The following ICE1 variants were observed in gnomAD, a reference collection of about 807,000 sequenced individuals.
The protein encoded by ICE1 is little elongation complex subunit 1.
ICE1 carries 64 observed loss-of-function variants against 192.7 expected under a neutral mutation model. The ratio of observed to expected loss-of-function variants is 0.33; its 90% CI spans 0.27 to 0.41. The LOEUF (loss-of-function observed/expected upper bound fraction) is 0.41, where lower values mean the gene tolerates loss of function less well. Among genes scored for constraint, ICE1 ranks in the 10% least tolerant of loss-of-function variants. The pLI is 1.00. For synonymous variants in ICE1, 1,010 were observed against 984.5 expected, an observed-to-expected ratio of 1.03 and a Z score of -0.49; for missense variants, 2,708 against 2,696.0, an observed-to-expected ratio of 1.00 and a Z score of -0.10.
chr5:5,467,189 C>T (rs1335506337), intron 14 of ICE1, among the ~76,000 whole-genome samples: 1 of 152,104 alleles, frequency 6.6e-6, no homozygotes, highest in African/African-American at 2.4e-5. Flanking sequence ...TTCATTTGCC[C>T]ACTTCATTTC....
chr5:5,464,422 TTCTCCA>T lies in ICE1; in HGVS notation c.5098_5103del (p.Pro1700_Ser1701del). 6.2e-7 allele frequency: 1 copy of T among 1,613,924 alleles called. No individual in the cohort carries two copies. Among genetic ancestry groups the T allele is most frequent in the African/African-American group, 1.3e-5 (1 of 75,034 alleles). On this transcript the variant is annotated inframe_deletion, in exon 13 of 19. Coordinates refer to ENST00000296564, the MANE Select transcript of ICE1 (RefSeq NM_015325.3). This position sits in a 1 kb window ranked among gnomAD's most constrained non-coding sequence, Gnocchi z 4.0. ...CCAGACGTGCCTCTCCTCCAGATCC[TTCTCCA>T]TCTCCATCTGCAGCTTCAGCCAGTG...
chr5:5,450,375 C>G (rs1032658757), intron 10 of ICE1, among the ~76,000 whole-genome samples: 2 of 152,112 alleles, frequency 1.3e-5, no homozygotes, highest in African/African-American at 4.8e-5. Context: ...CGGTTGAGAG[C>G]ATCATACAAA....
chr5:5,464,822 G>A lies in ICE1; in HGVS notation c.5488G>A (p.Asp1830Asn). The A allele has an allele frequency of 6.2e-7, 1 of 1,613,580 alleles. No individual in the cohort carries two copies. Among genetic ancestry groups the A allele is most frequent in the African/African-American group, 1.3e-5 (1 of 75,024 alleles). Residue 1830 changes from aspartate to asparagine, a missense_variant, in exon 13 of 19, where the codon GAT (aspartate) becomes AAT (asparagine). Asp to Asn is a conservative substitution (Grantham distance 23). This residue lies in a region of ICE1 where 2,366 missense variants were observed against 2,276.6 expected (regional missense o/e 1.04). Transcript: ENST00000296564. The surrounding 1 kb of genome is among the most constrained non-coding windows in gnomAD (Gnocchi z 4.0). Reference sequence around the variant, plus strand: ...GTCAAGAGATTTGGGGACTCAGCAGGATTCAAGCGGGAAAAGAACACTGTC... The same window carrying A: ...GTCAAGAGATTTGGGGACTCAGCAGAATTCAAGCGGGAAAAGAACACTGTC... Reference protein sequence around the residue: ...DKSRDLGTQQDSSGKRTLSTS... With the variant: ...DKSRDLGTQQNSSGKRTLSTS...
At chr5:5,488,801 A>C (rs78006898) in intron 18 of ICE1, among the ~76,000 whole-genome samples, 1,993 of 152,278 alleles carry the variant, frequency 0.013, 47 homozygotes, top group African/African-American at 0.045. Flanking sequence ...ACGTTTTATT[A>C]AAACTTAAAT....
chr5:5,460,693 T>G lies in ICE1; in HGVS notation c.1359T>G (p.Ser453=). The G allele has an allele frequency of 1.2e-6, 2 of 1,613,986 alleles. No homozygotes were observed. The highest frequency in any genetic ancestry group is 1.7e-6 in the Non-Finnish European group (2 of 1,179,898). ...ETFTATLRES[S]ATHSLVGEKH... is the part of the protein sequence containing the mutation. ...TCACAGCAACACTGAGAGAATCTTC[T>G]GCCACACACTCCTTAGTTGGTGAAA... The change falls in exon 13 of 19, where the codon TCT becomes TCG. Residue 453 remains serine (S), a synonymous_variant. Transcript: ENST00000296564.
chr5:5,474,473 C>G (rs1739256384), intron 16 of ICE1, among the ~76,000 whole-genome samples: 2 of 152,108 alleles, frequency 1.3e-5, no homozygotes, highest in African/African-American at 4.8e-5. Context: ...CATACAGATA[C>G]TCACAAAACC....
chr5:5,454,622 C>T lies in ICE1; in HGVS notation c.675C>T (p.Gly225=). The T allele has an allele frequency of 2.5e-6, 4 of 1,613,262 alleles. No homozygotes were observed. The East Asian group carries it at 6.7e-5, about 27-fold the overall frequency. Residue 225 remains glycine (G), a synonymous_variant, in exon 11 of 19, where the codon GGC becomes GGT. Coordinates refer to ENST00000296564, the MANE Select transcript of ICE1 (RefSeq NM_015325.3). ...CAACACACAGACTACCTGGTGAAGG[C>T]AGCAGGTGTGTCCCAGGTGAGAGAG... ...VNTTHRLPGE[G]SRCVPEKPAK...
intron 1 of ICE1, among the ~76,000 whole-genome samples, chr5:5,428,861 G>A (rs1737611007): frequency 6.6e-6 from 1 of 152,146 alleles, no homozygotes; most frequent in Admixed American, 6.5e-5. Context: ...AAACAGCAGA[G>A]CCTTGCATTC....
chr5:5,430,694 G>GC (rs1554012777), intron 1 of ICE1, among the ~76,000 whole-genome samples: 19 of 152,102 alleles, frequency 1.2e-4, no homozygotes, highest in Non-Finnish European at 4.4e-5. Context: ...CTCTCTTACT[G>GC]CCCCATACTC....
At chr5:5,445,556 C>T (rs1011691803) in intron 7 of ICE1, among the ~76,000 whole-genome samples, 1 of 151,810 alleles carries the variant, frequency 6.6e-6, no homozygotes, top group African/African-American at 2.4e-5. Context: ...CTCAGCCTCC[C>T]GAGCATCTGG....
At chr5:5,432,030 T>C (rs1737725491) in intron 1 of ICE1, among the ~76,000 whole-genome samples, 1 of 152,214 alleles carries the variant, frequency 6.6e-6, no homozygotes, top group Admixed American at 6.5e-5. Context: ...TTGTTAGCTA[T>C]AACAGCATTA....
intron 7 of ICE1, among the ~76,000 whole-genome samples, chr5:5,445,284 G>A (rs6874736): frequency 0.051 from 7,786 of 152,142 alleles, 648 homozygotes; most frequent in East Asian, 0.35. Flanking sequence ...TTTTCCTCTG[G>A]TTTGATTATT....
rs761018587 is a variant in ICE1, at chr5:5,457,472, T to C, written c.832T>C (p.Leu278=). Residue 278 remains leucine, a synonymous_variant, in exon 12 of 19, where the codon TTA becomes CTA. Coordinates refer to ENST00000296564, the MANE Select transcript of ICE1 (RefSeq NM_015325.3). ...KLSMEIKEDF[L]CQNVEKQSSS... The stretch of plus-strand genomic sequence containing the variant: ...GTCCATGGAGATAAAGGAGGACTTT[T>C]TATGTCAAAATGTGGAAAAACAGAG... 1.2e-5 allele frequency: 19 copies of C among 1,613,952 alleles called. No homozygotes were observed. Among genetic ancestry groups the C allele is most frequent in the Non-Finnish European group, 1.6e-5 (19 of 1,179,874 alleles).
intron 1 of ICE1, among the ~76,000 whole-genome samples, chr5:5,429,614 C>T (rs1224938874): frequency 6.6e-6 from 1 of 152,324 alleles, no homozygotes; most frequent in African/African-American, 2.4e-5. Context: ...CCATTATCAT[C>T]TGTATTTATT....
chr5:5,449,642 C>G (rs1738355746), intron 10 of ICE1, among the ~76,000 whole-genome samples: 1 of 152,168 alleles, frequency 6.6e-6, no homozygotes. Flanking sequence ...TTCCCCAAAT[C>G]AGAGATGGCA....
Position 5,457,408 on chromosome 5 carries a change from T to C in ICE1, c.768T>C (p.Pro256=). Reference sequence around the variant, plus strand: ...CGCTACCTCCAACACAGGGCAGCCCTCTCAGGACCTCAAATGTGCAGACAT... The same window carrying C: ...CGCTACCTCCAACACAGGGCAGCCCCCTCAGGACCTCAAATGTGCAGACAT... ...DGTLPPTQGS[P]LRTSNVQTCL... is the part of the protein sequence containing the mutation. Residue 256 remains proline, a synonymous_variant, in exon 12 of 19, where the codon CCT becomes CCC. Coordinates refer to ENST00000296564, the MANE Select transcript of ICE1 (RefSeq NM_015325.3). The C allele has an allele frequency of 1.2e-6, 2 of 1,613,734 alleles. No homozygotes were observed. The highest frequency in any genetic ancestry group is 1.7e-6 in the Non-Finnish European group (2 of 1,179,756).
chr5:5,487,202 G>C (rs556060142), intron 18 of ICE1, among the ~76,000 whole-genome samples: 1 of 152,316 alleles, frequency 6.6e-6, no homozygotes, highest in South Asian at 2.1e-4. Context: ...GTGATGTACA[G>C]TGAGATGCCA....
chr5:5,457,410 T>C lies in ICE1; in HGVS notation c.770T>C (p.Leu257Pro), dbSNP rs1287164814. 2 of 1,613,612 alleles carry C rather than the reference T, an allele frequency of 1.2e-6. No individual in the cohort carries two copies. Among genetic ancestry groups the C allele is most frequent in the East Asian group, 4.5e-5 (2 of 44,888 alleles). ...CTACCTCCAACACAGGGCAGCCCTC[T>C]CAGGACCTCAAATGTGCAGACATGC... ...GTLPPTQGSP[L>P]RTSNVQTCLT... Residue 257 changes from leucine to proline, a missense_variant, in exon 12 of 19, where the codon CTC (leucine) becomes CCC (proline). Around this residue, in one of 2 missense-constraint regions of ICE1, gnomAD observed 2,366 missense variants for 2,276.6 expected, o/e 1.04. Transcript: ENST00000296564.
At position 5,422,821 on chromosome 5, in the gene ICE1, C is replaced by G. The variant is rs1490968246; in HGVS notation, c.-95C>G. On this transcript the variant is annotated 5_prime_UTR_variant, in exon 1 of 19. Coordinates refer to ENST00000296564, the MANE Select transcript of ICE1 (RefSeq NM_015325.3). ...CCGGACCTGGCGGGAAGCGGCCTGG[C>G]AGGCGGCGGCCCCGGCGGCATCAGC... 1.1e-6 allele frequency: 1 copy of G among 926,004 alleles called. No homozygotes were observed. Among genetic ancestry groups the G allele is most frequent in the Non-Finnish European group, 1.4e-6 (1 of 712,040 alleles). 57.4% of individuals were successfully genotyped at this position (926,004 alleles called of 1,614,324 possible).
Sources: gnomAD v4.1 joint callset for allele counts (sites outside exome capture counted in the v4.1 genomes callset) on GRCh38, gnomAD v4.1.1 for gene constraint, gnomAD v4.1.1 regional missense constraint, Gnocchi (gnomAD v3.1) non-coding constraint, MANE v1.5 for transcripts, NCBI Gene and HGNC (gene_info 2026-07-23, HGNC 2026-07-21) for gene names.